HS3ST2: variants seen among roughly 807,000 people sequenced by gnomAD.
HS3ST2 encodes the protein heparan sulfate-glucosamine 3-sulfotransferase 2.
Under a neutral mutation model 26.3 loss-of-function variants are expected in HS3ST2, and 17 were observed. That is an observed-to-expected ratio of 0.65 (90% CI 0.44 to 0.97). HS3ST2 has a LOEUF of 0.97. Among genes scored for constraint, HS3ST2 ranks in the 50% least tolerant of loss-of-function variants. HS3ST2 has a pLI of 0.00. For synonymous variants in HS3ST2, 237 were observed against 219.2 expected (o/e 1.08, Z -0.72); for missense variants, 402 against 501.2 (o/e 0.80, Z 1.89).
At chr16:22,902,369 C>G (rs967996953) in intron 1 of HS3ST2, among the ~76,000 whole-genome samples, 1 of 152,158 alleles carries the variant, frequency 6.6e-6, no homozygotes, top group African/African-American at 2.4e-5. Context: ...AGTTTATTTC[C>G]TGCTTAGACA....
intron 1 of HS3ST2, among the ~76,000 whole-genome samples, chr16:22,861,140 G>T (rs1000842181): frequency 3.3e-5 from 5 of 152,028 alleles, no homozygotes; most frequent in Non-Finnish European, 7.3e-5. Flanking sequence ...GCCTCCCAAA[G>T]CACTGGGATT....
At chr16:22,837,483 A>G (rs867699380) in intron 1 of HS3ST2, among the ~76,000 whole-genome samples, 71 of 144,964 alleles carry the variant, frequency 4.9e-4, no homozygotes, top group Non-Finnish European at 8.0e-4. Flanking sequence ...TTTTTTTCCT[A>G]TGTGTGTGTG....
intron 1 of HS3ST2, among the ~76,000 whole-genome samples, chr16:22,852,700 C>T (rs746457507): frequency 8.5e-5 from 13 of 152,150 alleles, no homozygotes; most frequent in Non-Finnish European, 1.9e-4. Flanking sequence ...GTTATTAATG[C>T]GTGTTTCTCC....
rs183609422 is a variant in HS3ST2, at chr16:22,863,467, G to A, written c.485+48372G>A. 4.6e-5 allele frequency among the ~76,000 whole-genome samples: 7 copies of A among 152,232 alleles called. No individual in the cohort carries two copies. The East Asian group carries it at 7.7e-4, about 17-fold the overall frequency. ...TTTATTTTAGATTCAGGAGGTGCAC[G>A]TACAGGTTTGTTACCTGGGTATATT... On this transcript the variant is annotated intron_variant, in intron 1 of 1. Transcript: ENST00000261374.
At chr16:22,888,191 CT>C (rs961704704) in intron 1 of HS3ST2, among the ~76,000 whole-genome samples, 2 of 151,990 alleles carry the variant, frequency 1.3e-5, no homozygotes, top group African/African-American at 4.8e-5. Flanking sequence ...AATTTAAATC[CT>C]TGTCTCTGTG....
At chr16:22,889,970 T>C (rs571175067) in intron 1 of HS3ST2, among the ~76,000 whole-genome samples, 6 of 152,348 alleles carry the variant, frequency 3.9e-5, no homozygotes, top group African/African-American at 1.4e-4. Flanking sequence ...GTGACTATTC[T>C]TAGGATTGAC....
chr16:22,885,333 G>A (rs977596600), intron 1 of HS3ST2, among the ~76,000 whole-genome samples: 1 of 149,320 alleles, frequency 6.7e-6, no homozygotes, highest in African/African-American at 2.5e-5. Flanking sequence ...GAGAGGAGGG[G>A]AAAAAAAAAC....
intron 1 of HS3ST2, among the ~76,000 whole-genome samples, chr16:22,826,822 C>CCTA (rs1901093364): frequency 6.6e-6 from 1 of 152,058 alleles, no homozygotes; most frequent in Admixed American, 6.5e-5. Context: ...TTATTGAGCA[C>CCTA]CTACTGTGTG....
intron 1 of HS3ST2, among the ~76,000 whole-genome samples, chr16:22,848,082 C>T (rs1462224939): frequency 6.6e-6 from 1 of 152,092 alleles, no homozygotes; most frequent in Non-Finnish European, 1.5e-5. Context: ...TGTCCTTTTC[C>T]TTCAACTGGC....
chr16:22,825,822 A>G (rs917988266), intron 1 of HS3ST2, among the ~76,000 whole-genome samples: 2 of 152,214 alleles, frequency 1.3e-5, no homozygotes, highest in African/African-American at 4.8e-5. Context: ...CAGGAGTTCG[A>G]GACCAGCCTG....
intron 1 of HS3ST2, among the ~76,000 whole-genome samples, chr16:22,879,974 C>T (rs934473064): frequency 1.2e-4 from 18 of 152,142 alleles, no homozygotes; most frequent in Non-Finnish European, 8.8e-5. Flanking sequence ...AACAAGAAGC[C>T]TCTGAAAATG....
intron 1 of HS3ST2, among the ~76,000 whole-genome samples, chr16:22,839,246 G>C (rs912807696): frequency 6.6e-6 from 1 of 152,208 alleles, no homozygotes; most frequent in Non-Finnish European, 1.5e-5. Context: ...GATGGGGCAG[G>C]ACTCAGCAAG....
At chr16:22,850,920 A>C (rs1403410491) in intron 1 of HS3ST2, among the ~76,000 whole-genome samples, 1 of 152,230 alleles carries the variant, frequency 6.6e-6, no homozygotes. Context: ...TACTGGGATG[A>C]ATGTCAAGCA....
chr16:22,902,848 C>G (rs1385845909), intron 1 of HS3ST2, among the ~76,000 whole-genome samples: 1 of 152,054 alleles, frequency 6.6e-6, no homozygotes, highest in Non-Finnish European at 1.5e-5. Context: ...TAACTCTTTT[C>G]TCACGCCTAT....
intron 1 of HS3ST2, among the ~76,000 whole-genome samples, chr16:22,869,320 C>G (rs1901799682): frequency 1.3e-5 from 2 of 152,078 alleles, no homozygotes; most frequent in Non-Finnish European, 2.9e-5. Flanking sequence ...GGTTCAAATC[C>G]AGCTTTGACA....
At chr16:22,874,169 A>G (rs1901877901) in intron 1 of HS3ST2, among the ~76,000 whole-genome samples, 1 of 152,206 alleles carries the variant, frequency 6.6e-6, no homozygotes, top group Non-Finnish European at 1.5e-5. Flanking sequence ...AGGCCCCTTC[A>G]GGACCATAAG....
chr16:22,880,952 G>T (rs1596624261), intron 1 of HS3ST2, among the ~76,000 whole-genome samples: 1 of 152,210 alleles, frequency 6.6e-6, no homozygotes, highest in African/African-American at 2.4e-5. Context: ...CAGGAACGCT[G>T]TTAGATCTGG....
intron 1 of HS3ST2, among the ~76,000 whole-genome samples, chr16:22,872,423 G>A (rs1901851214): frequency 6.6e-6 from 1 of 152,270 alleles, no homozygotes; most frequent in Admixed American, 6.5e-5. Flanking sequence ...GGCTCATAGG[G>A]TATTTTGAGA....
chr16:22,859,801 A>G (rs1901649558), intron 1 of HS3ST2, among the ~76,000 whole-genome samples: 1 of 152,136 alleles, frequency 6.6e-6, no homozygotes, highest in Non-Finnish European at 1.5e-5. Flanking sequence ...ACAAATGCCT[A>G]TTTCTGAGGC....
Sources: allele counts gnomAD v4.1 joint callset (sites outside exome capture counted in the v4.1 genomes callset), GRCh38; gene constraint gnomAD v4.1.1; transcripts MANE v1.5; gene names NCBI Gene and HGNC (gene_info 2026-07-23, HGNC 2026-07-21).